KDM5A: variants seen among roughly 807,000 people sequenced by gnomAD.
KDM5A encodes the protein lysine demethylase 5A.
Under a neutral mutation model 193.5 loss-of-function variants are expected in KDM5A, and 42 were observed. The ratio of observed to expected loss-of-function variants is 0.22; its 90% CI spans 0.17 to 0.28. The LOEUF (loss-of-function observed/expected upper bound fraction) is 0.28, where lower values mean the gene tolerates loss of function less well. Among genes scored for constraint, KDM5A ranks in the 10% least tolerant of loss-of-function variants. KDM5A has a pLI of 1.00. For missense variants in KDM5A, 1,692 were observed against 2,055.1 expected (o/e 0.82, Z 3.42); for synonymous variants, 796 against 718.1 (o/e 1.11, Z -1.73).
intron 24 of KDM5A, among the ~76,000 whole-genome samples, chr12:305,969 G>GTTGT (rs770819433): frequency 2.9e-5 from 3 of 104,216 alleles, no homozygotes; most frequent in Non-Finnish European, 5.5e-5. Context: ...CAATGGAAGT[G>GTTGT]TTTTTTTTTT....
intron 27 of KDM5A, among the ~76,000 whole-genome samples, chr12:289,893 T>C (rs1470108832): frequency 2.7e-5 from 2 of 75,176 alleles, no homozygotes; most frequent in Non-Finnish European, 5.4e-5. Context: ...AAAAGCATGA[T>C]TTTTTCTTTC....
chr12:362,861 G>A, intron 5 of KDM5A, 102 bp downstream of exon 5: 2 of 1,070,288 alleles, frequency 1.9e-6, no homozygotes, highest in Non-Finnish European at 1.4e-6. Context: ...AAGAGGCGGA[G>A]GCAAGAGGAT....
intron 10 of KDM5A, among the ~76,000 whole-genome samples, chr12:343,977 G>C (rs1944038247): frequency 6.6e-6 from 1 of 152,188 alleles, no homozygotes; most frequent in Non-Finnish European, 1.5e-5. Flanking sequence ...CGAGCTAAAG[G>C]AGGATGTTCA....
intron 24 of KDM5A, among the ~76,000 whole-genome samples, chr12:298,757 T>G (rs1943404396): frequency 6.6e-6 from 1 of 151,966 alleles, no homozygotes; most frequent in African/African-American, 2.4e-5. Context: ...TCCTCTGAGC[T>G]AAAGGACCAT....
chr12:352,471 C>T (rs715229), intron 8 of KDM5A, 147 bp from the exon 9 acceptor site: 499,032 of 712,504 alleles, frequency 0.7, 176,777 homozygotes, highest in Middle Eastern at 0.75. Flanking sequence ...CAGCTACTTA[C>T]AATACCGTAT....
At chr12:326,356 C>T (rs1392434772) in intron 14 of KDM5A, among the ~76,000 whole-genome samples, 1 of 152,082 alleles carries the variant, frequency 6.6e-6, no homozygotes, top group Non-Finnish European at 1.5e-5. Flanking sequence ...GATGAGAATT[C>T]CAAGATAAAC....
chr12:354,386 C>T (rs1944204934), intron 7 of KDM5A, 152 bp from the exon 8 acceptor site: 2 of 637,608 alleles, frequency 3.1e-6, no homozygotes, highest in Admixed American at 5.9e-5. Flanking sequence ...TGTATTTAAA[C>T]AGCTTTTCAT....
chr12:333,708 T>A, intron 11 of KDM5A, 59 bp from the exon 12 acceptor site: 2 of 1,477,490 alleles, frequency 1.4e-6, no homozygotes, highest in Non-Finnish European at 1.9e-6. Context: ...GGCTAGGGTA[T>A]CTGATTCCAA....
At chr12:311,085 C>T (rs374759973) in intron 20 of KDM5A, 21 bp from the exon 21 acceptor site, 2 of 1,613,726 alleles carry the variant, frequency 1.2e-6, no homozygotes, top group Non-Finnish European at 1.7e-6. Flanking sequence ...AAAGTAGATT[C>T]TCACAATTTG....
chr12:297,019 C>A (rs1363858746), intron 25 of KDM5A, 22 bp downstream of exon 25: 1 of 1,611,666 alleles, frequency 6.2e-7, no homozygotes, highest in Non-Finnish European at 8.5e-7. Context: ...ATGTTCCCCA[C>A]AGTTTTTTAA....
chr12:366,132 G>GA (rs762021385), intron 3 of KDM5A, 28 bp from the exon 4 acceptor site: 31 of 1,604,708 alleles, frequency 1.9e-5, no homozygotes, highest in Admixed American at 8.4e-5. Flanking sequence ...GTTGCTTAGA[G>GA]AAAAAAGGCA....
At chr12:325,942 G>T (rs921372846) in intron 14 of KDM5A, among the ~76,000 whole-genome samples, 3 of 152,062 alleles carry the variant, frequency 2.0e-5, no homozygotes, top group African/African-American at 7.2e-5. Flanking sequence ...TGAACCCAGG[G>T]GGCAGAGGTT....
intron 13 of KDM5A, among the ~76,000 whole-genome samples, chr12:330,002 G>C (rs892338340): frequency 6.6e-6 from 1 of 151,556 alleles, no homozygotes; most frequent in Non-Finnish European, 1.5e-5. Context: ...GGCTATCTCT[G>C]AATTATGCAG....
Position 285,373 on chromosome 12 carries a change from A to G in KDM5A, c.*83T>C. 8.2e-7 allele frequency: 1 copy of G among 1,224,226 alleles called. No individual in the cohort carries two copies. Among genetic ancestry groups the G allele is most frequent in the Non-Finnish European group, 1.2e-6 (1 of 831,922 alleles). 75.8% of individuals were successfully genotyped at this position (1,224,226 alleles called of 1,614,324 possible). A position where few individuals can be genotyped will look rare whatever the true frequency, so the allele number is the denominator to read the frequency against. Reference sequence around the variant, plus strand: ...ATTCATCTTTGGAAGCAACATTCCAAGTGGATATAAACCACTCTACTTGAT... The same window carrying G: ...ATTCATCTTTGGAAGCAACATTCCAGGTGGATATAAACCACTCTACTTGAT... On this transcript the variant is annotated 3_prime_UTR_variant, in exon 28 of 28. Coordinates refer to ENST00000399788, the MANE Select transcript of KDM5A (RefSeq NM_001042603.3).
Position 293,095 on chromosome 12 carries a change from T to C in KDM5A, c.4530A>G (p.Leu1510=). The change falls in exon 27 of 28, where the codon CTA becomes CTG. Residue 1510 remains leucine (L), a synonymous_variant. Coordinates refer to ENST00000399788, the MANE Select transcript of KDM5A (RefSeq NM_001042603.3). ...DSSEKKRKRK[L]EKVEQLFGEG... The stretch of plus-strand genomic sequence containing the variant: ...CTCCAAAAAGTTGCTCTACCTTTTC[T>C]AGCTTCCGTTTCCGTTTCTTCTCTG... 1 of 1,595,712 alleles carries C rather than the reference T, an allele frequency of 6.3e-7. No individual in the cohort carries two copies. The highest frequency in any genetic ancestry group is 8.5e-7 in the Non-Finnish European group (1 of 1,175,574).
At chr12:354,575 G>A (rs1209933432) in intron 7 of KDM5A, among the ~76,000 whole-genome samples, 1 of 152,130 alleles carries the variant, frequency 6.6e-6, no homozygotes, top group Admixed American at 6.5e-5. Context: ...AGACCATCCT[G>A]GCTAACACAG....
intron 3 of KDM5A, among the ~76,000 whole-genome samples, chr12:370,380 G>A (rs770586152): frequency 5.9e-5 from 9 of 152,090 alleles, no homozygotes; most frequent in African/African-American, 7.2e-5. Context: ...GCAACACAGC[G>A]AGACTCTGTC....
At position 350,835 on chromosome 12, in the gene KDM5A, A is replaced by G; in HGVS notation, c.1150-56T>C. The G allele has an allele frequency of 2.8e-6, 4 of 1,444,716 alleles. No individual in the cohort carries two copies. In the East Asian group the frequency reaches 6.8e-5, roughly 25 times the overall value. 89.5% of individuals were successfully genotyped at this position (1,444,716 alleles called of 1,614,324 possible). A position where few individuals can be genotyped will look rare whatever the true frequency, so the allele number is the denominator to read the frequency against. On this transcript the variant is annotated intron_variant, in intron 9 of 27. Transcript: ENST00000399788. ...TTAAACCACTATAACTATAACCCAT[A>G]TAACATAATACACAGGATCAAGTAA...
chr12:282,394 A>G lies in KDM5A; in HGVS notation c.*3062T>C, dbSNP rs1409815412. On this transcript the variant is annotated 3_prime_UTR_variant, in exon 28 of 28. Transcript: ENST00000399788. ...ATGACATGCAATAATTTATAATTTT[A>G]CTGAGGCACAAATTTGAATCATGCA... 2.1e-5 allele frequency: 5 copies of G among 233,186 alleles called. No homozygotes were observed. 14.4% of individuals were successfully genotyped at this position (233,186 alleles called of 1,614,324 possible).
Sources: allele counts gnomAD v4.1 joint callset (sites outside exome capture counted in the v4.1 genomes callset), GRCh38; gene constraint gnomAD v4.1.1; transcripts MANE v1.5; gene names NCBI Gene and HGNC (gene_info 2026-07-23, HGNC 2026-07-21).